The following CRIM1 variants were observed in gnomAD, a reference collection of about 807,000 sequenced individuals.
CRIM1 encodes the protein cysteine-rich motor neuron 1 protein.
In CRIM1, 32 loss-of-function variants were observed where a neutral mutation model predicts 116.4. The observed-to-expected ratio is 0.27, with a 90% CI of 0.21 to 0.37. The LOEUF (loss-of-function observed/expected upper bound fraction) is 0.37. CRIM1 is among the 10% of genes least tolerant of loss of function. CRIM1 has a pLI of 1.00. For missense variants in CRIM1, 1,331 were observed against 1,354.8 expected (o/e 0.98, Z 0.28); for synonymous variants, 590 against 509.2 (o/e 1.16, Z -2.13).
chr2:36,464,686 T>C, intron 5 of CRIM1, 31 bp downstream of exon 5: 1 of 1,609,166 alleles, frequency 6.2e-7, no homozygotes, highest in Non-Finnish European at 8.5e-7. Flanking sequence ...TCTCAGAGAG[T>C]GTACATTTGT....
chr2:36,427,058 G>A (rs573370549), intron 2 of CRIM1, among the ~76,000 whole-genome samples: 9 of 152,102 alleles, frequency 5.9e-5, no homozygotes, highest in East Asian at 1.9e-4. Context: ...AAAATTAGCC[G>A]GGTGTAGTGG....
At chr2:36,434,970 G>C (rs1675184491) in intron 2 of CRIM1, among the ~76,000 whole-genome samples, 1 of 152,114 alleles carries the variant, frequency 6.6e-6, no homozygotes, top group South Asian at 2.1e-4. Flanking sequence ...GTGACACATG[G>C]CACCCGTATC....
chr2:36,513,804 T>C (rs1263870035), intron 11 of CRIM1, 39 bp downstream of exon 11: 2 of 1,581,360 alleles, frequency 1.3e-6, no homozygotes, highest in Non-Finnish European at 1.7e-6. Flanking sequence ...CATAAGCAAA[T>C]GACTTCTGCC....
chr2:36,357,348 A>G (rs1281838266), intron 1 of CRIM1, among the ~76,000 whole-genome samples: 1 of 152,180 alleles, frequency 6.6e-6, no homozygotes, highest in Non-Finnish European at 1.5e-5. Flanking sequence ...GCTTTTTAAT[A>G]TCAGATACCC....
At chr2:36,427,622 CT>C (rs1674559489) in intron 2 of CRIM1, among the ~76,000 whole-genome samples, 1 of 152,214 alleles carries the variant, frequency 6.6e-6, no homozygotes, top group South Asian at 2.1e-4. Flanking sequence ...AGAGCTTCTA[CT>C]TTCCTCTGGC....
chr2:36,381,102 C>G (rs1157572127), intron 1 of CRIM1, among the ~76,000 whole-genome samples: 1 of 152,192 alleles, frequency 6.6e-6, no homozygotes, highest in Non-Finnish European at 1.5e-5. Context: ...TGCCCGCCTT[C>G]TTGCCCCCGC....
chr2:36,525,142 C>G (rs1665670209), intron 13 of CRIM1, among the ~76,000 whole-genome samples: 2 of 152,160 alleles, frequency 1.3e-5, no homozygotes, highest in Admixed American at 1.3e-4. Context: ...GTACCTTATT[C>G]ACTCGTTCAT....
intron 11 of CRIM1, among the ~76,000 whole-genome samples, chr2:36,514,021 T>G (rs1033942285): frequency 6.6e-6 from 1 of 152,222 alleles, no homozygotes; most frequent in Non-Finnish European, 1.5e-5. Flanking sequence ...ATGTAAGGTC[T>G]TTGGACTACA....
rs559538685 is a variant in CRIM1 at position 36,516,335 on chromosome 2, C to T, written c.1991-992C>T. Among the ~76,000 whole-genome samples, 4 of 152,276 alleles carry T rather than the reference C, an allele frequency of 2.6e-5. No individual in the cohort carries two copies. In the South Asian group the frequency reaches 6.2e-4, roughly 24 times the overall value. On this transcript the variant is annotated intron_variant, in intron 11 of 16. Coordinates refer to ENST00000280527, the MANE Select transcript of CRIM1 (RefSeq NM_016441.3). ...GCCGTGATGTCTCCAGACTCTTTCTCGGCGGGATTCAACACTGTCAACACA... is the reference window on the plus strand; with the variant it reads ...GCCGTGATGTCTCCAGACTCTTTCTTGGCGGGATTCAACACTGTCAACACA...
intron 5 of CRIM1, among the ~76,000 whole-genome samples, chr2:36,465,363 T>C (rs1677925267): frequency 6.6e-6 from 1 of 152,192 alleles, no homozygotes; most frequent in African/African-American, 2.4e-5. Context: ...TCTACCAGAA[T>C]ATTCATTAAC....
intron 4 of CRIM1, among the ~76,000 whole-genome samples, chr2:36,444,397 C>A: frequency 6.9e-6 from 1 of 145,952 alleles, no homozygotes; most frequent in South Asian, 2.2e-4. Context: ...GGATAGATTT[C>A]TTTCCGTCTG....
chr2:36,422,276 A>G (rs543134836), intron 2 of CRIM1, among the ~76,000 whole-genome samples: 2 of 152,048 alleles, frequency 1.3e-5, no homozygotes, highest in Non-Finnish European at 2.9e-5. Flanking sequence ...AATCTTTAGG[A>G]TACTTTAGTA....
chr2:36,433,144 C>A (rs1004615377), intron 2 of CRIM1, among the ~76,000 whole-genome samples: 1 of 152,164 alleles, frequency 6.6e-6, no homozygotes, highest in African/African-American at 2.4e-5. Flanking sequence ...CAGTTCATCT[C>A]AAACTTTACT....
chr2:36,540,879 G>A (rs539373083), intron 14 of CRIM1, among the ~76,000 whole-genome samples: 2 of 152,312 alleles, frequency 1.3e-5, no homozygotes, highest in African/African-American at 4.8e-5. Flanking sequence ...CTTGGTTTGT[G>A]AGTTTGATAA....
At chr2:36,408,854 A>G (rs951376587) in intron 2 of CRIM1, among the ~76,000 whole-genome samples, 10 of 152,170 alleles carry the variant, frequency 6.6e-5, no homozygotes, top group African/African-American at 2.4e-4. Context: ...CCACTTTAGC[A>G]TAAACTCACA....
At chr2:36,532,925 C>T (rs1425181574) in intron 13 of CRIM1, among the ~76,000 whole-genome samples, 1 of 152,148 alleles carries the variant, frequency 6.6e-6, no homozygotes, top group African/African-American at 2.4e-5. Flanking sequence ...TATCAAAGAA[C>T]AAAACTTAAT....
intron 2 of CRIM1, among the ~76,000 whole-genome samples, chr2:36,407,175 A>G (rs114299688): frequency 1.4e-3 from 215 of 152,334 alleles, no homozygotes; most frequent in African/African-American, 4.9e-3. Context: ...TGTAAAGACA[A>G]TCACAAATTG....
At chr2:36,504,167 C>T (rs1181241328) in intron 8 of CRIM1, among the ~76,000 whole-genome samples, 1 of 152,194 alleles carries the variant, frequency 6.6e-6, no homozygotes, top group Non-Finnish European at 1.5e-5. Flanking sequence ...AGGCACCGTA[C>T]CTGGCCCTTC....
At chr2:36,533,744 G>A (rs966692387) in intron 13 of CRIM1, among the ~76,000 whole-genome samples, 1 of 152,178 alleles carries the variant, frequency 6.6e-6, no homozygotes, top group African/African-American at 2.4e-5. Context: ...CCTGTATGCT[G>A]TAGCTCAGCA....
Sources: allele counts gnomAD v4.1 joint callset (sites outside exome capture counted in the v4.1 genomes callset), GRCh38; gene constraint gnomAD v4.1.1; transcripts MANE v1.5; gene names NCBI Gene and HGNC (gene_info 2026-07-23, HGNC 2026-07-21).